MSLN: variants seen among roughly 807,000 people sequenced by gnomAD.
MSLN encodes mesothelin, also known as CAK1 antigen.
Under a neutral mutation model 72.6 loss-of-function variants are expected in MSLN, and 82 were observed. The observed-to-expected ratio is 1.13, with a 90% confidence interval of 0.94 to 1.36. The LOEUF is 1.36. Ranked by LOEUF, MSLN falls within the 40% of genes most tolerant of loss-of-function variation. The pLI is 0.00. For synonymous variants in MSLN, 456 were observed against 387.3 expected (o/e 1.18, Z -2.08); for missense variants, 1,005 against 847.9 (o/e 1.19, Z -2.30).
intron 2 of MSLN, among the ~76,000 whole-genome samples, chr16:761,938 C>T (rs115277703): frequency 5.9e-5 from 9 of 152,232 alleles, no homozygotes; most frequent in African/African-American, 1.7e-4. Context: ...AGCCAGTTCC[C>T]TCTTCTGCGA....
In MSLN at chr16:768,727, G is replaced by A; in HGVS notation, c.1863G>A (p.Leu621=). 6.2e-7 allele frequency: 1 copy of A among 1,610,430 alleles called. No individual in the cohort carries two copies. The highest frequency in any genetic ancestry group is 8.5e-7 in the Non-Finnish European group (1 of 1,179,464). The part of the protein sequence containing the change: ...TVLALLLAST[L]A ...TGGCACTGCTCCTAGCCTCCACCCT[G>A]GCCTGAGGGCCCCACTCCCTTGCTG... The change falls in exon 18 of 18, where the codon CTG becomes CTA. Residue 621 remains leucine, a synonymous_variant. Transcript: ENST00000545450.
At chr16:767,118 TAACTGG>T in intron 15 of MSLN, 106 bp downstream of exon 15, 1 of 1,546,576 alleles carries the variant, frequency 6.5e-7, no homozygotes, top group Non-Finnish European at 8.8e-7. Context: ...GCTGCCAGGG[TAACTGG>T]GTGGTCACCC....
chr16:762,755 C>T lies in MSLN; in HGVS notation c.75C>T (p.Leu25=), dbSNP rs770609069. 5 of 1,593,398 alleles carry T rather than the reference C, an allele frequency of 3.1e-6. No individual in the cohort carries two copies. Among genetic ancestry groups the T allele is most frequent in the East Asian group, 4.5e-5 (2 of 44,558 alleles). Residue 25 remains leucine (L), a synonymous_variant, in exon 3 of 18, where the codon CTC becomes CTT. Transcript: ENST00000545450. ...CCCTCGGCAGCCTCCTGTTCCTGCT[C>T]TTCAGCCTCGGTGCGTACTTGATGG... is the stretch of plus-strand genomic sequence containing the variant. ...TPALGSLLFL[L]FSLGWVQPSR...
intron 11 of MSLN, 96 bp downstream of exon 11, chr16:765,886 G>T: frequency 7.3e-7 from 1 of 1,367,598 alleles, no homozygotes; most frequent in African/African-American, 1.4e-5. Context: ...CCCTGGCTCT[G>T]CAGCACATCC....
rs569837652 is a variant in MSLN, at chr16:765,962, G to T, written c.896-97G>T. ...GTGGGTAAACTGAGGCACAGGGAGG[G>T]TCACAAATGGCCCGAGGTCTCATCT... is the stretch of plus-strand genomic sequence containing the variant. On this transcript the variant is annotated intron_variant, in intron 11 of 17. Transcript: ENST00000545450. 1.2e-4 allele frequency: 170 copies of T among 1,397,872 alleles called. 2 individuals carry two copies. Among genetic ancestry groups the T allele is most frequent in the South Asian group, 7.0e-4 (52 of 74,720 alleles). The allele number at this position is 1,397,872 out of a possible 1,614,324, so 86.6% of individuals were successfully genotyped here.
rs748631182 is a variant in MSLN, at chr16:764,987, G to A, written c.461G>A (p.Arg154Lys). The A allele has an allele frequency of 1.2e-6, 2 of 1,612,282 alleles. No individual in the cohort carries two copies. Among genetic ancestry groups the A allele is most frequent in the East Asian group, 2.2e-5 (1 of 44,860 alleles). ...ITKANVDLLP[R>K]GAPERQRLLP... ...AAGGCCAATGTGGACCTGCTCCCGA[G>A]GGGGGCTCCCGAGCGACAGCGGCTG... is the stretch of plus-strand genomic sequence containing the variant. Residue 154 changes from arginine to lysine, a missense_variant, in exon 8 of 18, where the codon AGG becomes AAG. Physicochemically the swap from Arg to Lys is conservative, Grantham distance 26. Transcript: ENST00000545450.
chr16:768,339 A>G, intron 16 of MSLN, 40 bp from the exon 17 acceptor site: 1 of 1,494,020 alleles, frequency 6.7e-7, no homozygotes. Flanking sequence ...GCGCTGAGGG[A>G]AGGAGACCCT....
intron 2 of MSLN, among the ~76,000 whole-genome samples, chr16:761,666 T>G (rs1318524498): frequency 6.6e-6 from 1 of 152,128 alleles, no homozygotes; most frequent in Non-Finnish European, 1.5e-5. Context: ...CTCAAGGTGT[T>G]CAGAGCCTCA....
Position 765,283 on chromosome 16 carries a change from G to T in MSLN, c.684G>T (p.Gln228His). 1 of 1,580,944 alleles carries T rather than the reference G, an allele frequency of 6.3e-7. No homozygotes were observed. Among genetic ancestry groups the T allele is most frequent in the Non-Finnish European group, 8.5e-7 (1 of 1,170,152 alleles). Residue 228 changes from glutamine to histidine, a missense_variant, in exon 9 of 18, where the codon CAG becomes CAT. Gln to His is a conservative substitution (Grantham distance 24). Transcript: ENST00000545450. Reference protein sequence around the residue: ...DQQEAARAALQGGGPPYGPPS... With the variant: ...DQQEAARAALHGGGPPYGPPS... The stretch of plus-strand genomic sequence containing the variant: ...AGGAGGCAGCCAGGGCGGCTCTGCA[G>T]GGCGGGGGACCCCCCTACGGGTAAG...
At position 766,554 on chromosome 16, in the gene MSLN, GA is replaced by G. The variant is rs1440301922; in HGVS notation, c.1230+65del. ...GGAAGGGCTGAGGGGCAGAGTGGGGGACAAAGCCTGAGGTTGGGCGGGCCTG... is the reference window on the plus strand; with the variant it reads ...GGAAGGGCTGAGGGGCAGAGTGGGGGCAAAGCCTGAGGTTGGGCGGGCCTG... On this transcript the variant is annotated intron_variant, in intron 13 of 17. Transcript: ENST00000545450. The G allele has an allele frequency of 5.0e-6, 8 of 1,609,204 alleles. No homozygotes were observed. In the African/African-American group the frequency reaches 1.1e-4, roughly 21 times the overall value.
chr16:765,809 G>T lies in MSLN; in HGVS notation c.895+19G>T. The T allele has an allele frequency of 6.3e-7, 1 of 1,590,950 alleles. No homozygotes were observed. The highest frequency in any genetic ancestry group is 8.5e-7 in the Non-Finnish European group (1 of 1,175,696). On this transcript the variant is annotated intron_variant, in intron 11 of 17. Coordinates refer to ENST00000545450, the MANE Select transcript of MSLN (RefSeq NM_005823.6). ...GTGGAGAGTGAGTGCCGTGCCCTGCGCAGTCTGGCACCAGGCTGGGCAGCA... is the reference window on the plus strand; with the variant it reads ...GTGGAGAGTGAGTGCCGTGCCCTGCTCAGTCTGGCACCAGGCTGGGCAGCA...
chr16:766,353 C>T lies in MSLN; in HGVS notation c.1093C>T (p.Pro365Ser). The T allele has an allele frequency of 6.2e-7, 1 of 1,612,706 alleles. No homozygotes were observed. Among genetic ancestry groups the T allele is most frequent in the Non-Finnish European group, 8.5e-7 (1 of 1,179,910 alleles). The stretch of plus-strand genomic sequence containing the variant: ...CCTGCAGCTCTACCCACAAGGTTAC[C>T]CCGAGTCTGTGATCCAGCACCTGGG... Reference protein sequence around the residue: ...KLDELYPQGYPESVIQHLGYL... With the variant: ...KLDELYPQGYSESVIQHLGYL... The change falls in exon 13 of 18, where the codon CCC becomes TCC. Residue 365 changes from proline (P) to serine (S), a missense_variant. Coordinates refer to ENST00000545450, the MANE Select transcript of MSLN (RefSeq NM_005823.6).
chr16:763,905 G>C, intron 5 of MSLN, 118 bp from the exon 6 acceptor site: 1 of 1,402,228 alleles, frequency 7.1e-7, no homozygotes, highest in Non-Finnish European at 9.6e-7. Context: ...TTGGGGGGAG[G>C]TCTGCAGGGA....
Position 764,787 on chromosome 16 carries a change from C to A in MSLN, c.380+61C>A, listed in dbSNP as rs529639515. On this transcript the variant is annotated intron_variant, in intron 7 of 17. Transcript: ENST00000545450. ...TTGCCGCCAGCCCTCAGCCCCCAAC[C>A]CCCTGCCCCTTGCCTCGGATCCCAG... 3.2e-5 allele frequency: 51 copies of A among 1,576,080 alleles called. 2 individuals are homozygous for A. The South Asian group carries it at 5.3e-4, about 16-fold the overall frequency.
Position 764,519 on chromosome 16 carries a change from AT to A in MSLN, c.301-127del, listed in dbSNP as rs988375045. On this transcript the variant is annotated intron_variant, in intron 6 of 17. Coordinates refer to ENST00000545450, the MANE Select transcript of MSLN (RefSeq NM_005823.6). ...AGGGCAGCGCTGCAGGCGGCCAGAG[AT>A]CCACTTCCACAGATTCTCGTGGCCA... 3.4e-6 allele frequency: 3 copies of A among 871,974 alleles called. No homozygotes were observed. In the African/African-American group the frequency reaches 4.9e-5, roughly 14 times the overall value. 54.0% of individuals were successfully genotyped at this position (871,974 alleles called of 1,614,324 possible).
In MSLN at chr16:768,778, C is replaced by T; in HGVS notation, c.*45C>T. 2 of 1,591,188 alleles carry T rather than the reference C, an allele frequency of 1.3e-6. No homozygotes were observed. The highest frequency in any genetic ancestry group is 1.3e-5 in the African/African-American group (1 of 74,662). ...GCCCCAGCCCTGCTGGGGATCCCCG[C>T]CTGGCCAGGAGCAGGCACGGGTGGT... On this transcript the variant is annotated 3_prime_UTR_variant, in exon 18 of 18. Coordinates refer to ENST00000545450, the MANE Select transcript of MSLN (RefSeq NM_005823.6).
chr16:768,366 G>T lies in MSLN; in HGVS notation c.1597-13G>T. 1 of 1,502,016 alleles carries T rather than the reference G, an allele frequency of 6.7e-7. No homozygotes were observed. The highest frequency in any genetic ancestry group is 8.9e-7 in the Non-Finnish European group (1 of 1,124,060). The allele number at this position is 1,502,016 out of a possible 1,614,324, so 93.0% of individuals were successfully genotyped here. A position where few individuals can be genotyped will look rare whatever the true frequency, so the allele number is the denominator to read the frequency against. On this transcript the variant is annotated splice_polypyrimidine_tract_variant and intron_variant, in intron 16 of 17. Transcript: ENST00000545450. ...GGAGACCCTCCTTGATGGCTGCCCGGGGTCTCTGGCAGCCGTTGACTGTGG... is the reference window on the plus strand; with the variant it reads ...GGAGACCCTCCTTGATGGCTGCCCGTGGTCTCTGGCAGCCGTTGACTGTGG...
intron 2 of MSLN, among the ~76,000 whole-genome samples, chr16:761,622 C>T (rs1596687814): frequency 8.0e-6 from 1 of 124,734 alleles, no homozygotes; most frequent in South Asian, 2.8e-4. Flanking sequence ...TGCCCATTTT[C>T]TGGCTGTGGG....
At chr16:765,413 C>G in intron 9 of MSLN, 110 bp downstream of exon 9, 1 of 1,409,048 alleles carries the variant, frequency 7.1e-7, no homozygotes, top group Non-Finnish European at 9.5e-7. Flanking sequence ...CCCCCGCCAC[C>G]ACCCCTGCCA....
Sources: allele counts gnomAD v4.1 joint callset (sites outside exome capture counted in the v4.1 genomes callset), GRCh38; gene constraint gnomAD v4.1.1; transcripts MANE v1.5; gene names NCBI Gene and HGNC (gene_info 2026-07-23, HGNC 2026-07-21).